The following KIAA1958 variants were observed in gnomAD, a reference collection of about 807,000 sequenced individuals.
KIAA1958 encodes uncharacterized protein KIAA1958.
In KIAA1958, 14 loss-of-function variants were observed where a neutral mutation model predicts 47.2. That is an observed-to-expected ratio of 0.30 (90% CI 0.20 to 0.46). KIAA1958 has a LOEUF of 0.46. Ranked by LOEUF, KIAA1958 falls within the 20% of genes least tolerant of loss-of-function variation. The pLI is 1.00. For synonymous variants in KIAA1958, 354 were observed against 353.3 expected, an observed-to-expected ratio of 1.00 and a Z score of -0.02; for missense variants, 803 against 909.2, an observed-to-expected ratio of 0.88 and a Z score of 1.50.
intron 1 of KIAA1958, among the ~76,000 whole-genome samples, chr9:112,572,856 G>A (rs1835563079): frequency 6.6e-6 from 1 of 152,186 alleles, no homozygotes; most frequent in Admixed American, 6.5e-5. Flanking sequence ...CTCCCTGACA[G>A]GGCGCCATGG....
At position 112,586,509 on chromosome 9, in the gene KIAA1958, G is replaced by C. The variant is rs1382535496; in HGVS notation, c.1171+11258G>C. Among the ~76,000 whole-genome samples, 3 of 152,024 alleles carry C rather than the reference G, an allele frequency of 2.0e-5. No individual in the cohort carries two copies. In the East Asian group the frequency reaches 5.8e-4, roughly 29 times the overall value. ...TTATGTTTCAATAGCTTTTTAAAAT[G>C]CTTGCAAATCCTATTTTAGTATGAT... On this transcript the variant is annotated intron_variant, in intron 2 of 3. Coordinates refer to ENST00000337530, the MANE Select transcript of KIAA1958 (RefSeq NM_133465.4).
At chr9:112,615,950 A>G (rs777721758) in intron 2 of KIAA1958, among the ~76,000 whole-genome samples, 31 of 152,234 alleles carry the variant, frequency 2.0e-4, no homozygotes, top group Admixed American at 6.5e-5. Flanking sequence ...TTTTTCTCCC[A>G]AAGTTGTCTG....
chr9:112,523,048 C>G (rs1834575692), intron 1 of KIAA1958, among the ~76,000 whole-genome samples: 1 of 152,206 alleles, frequency 6.6e-6, no homozygotes, highest in African/African-American at 2.4e-5. Flanking sequence ...AATGTCATTT[C>G]TACCCACAGC....
rs1483418455 is a variant in KIAA1958, at chr9:112,537,393, G to A, written c.-24-36664G>A. ...TGGGATTACAGGCGTGAGCCACTGC[G>A]CTGGGCCAGGACAAGATATTTCACA... is the stretch of plus-strand genomic sequence containing the variant. On this transcript the variant is annotated intron_variant, in intron 1 of 3. Coordinates refer to ENST00000337530, the MANE Select transcript of KIAA1958 (RefSeq NM_133465.4). Among the ~76,000 whole-genome samples the A allele has an allele frequency of 3.3e-5, 5 of 152,174 alleles. No homozygotes were observed. The East Asian group carries it at 7.7e-4, about 23-fold the overall frequency.
chr9:112,631,751 T>A (rs1208748082), intron 2 of KIAA1958, among the ~76,000 whole-genome samples: 1 of 152,162 alleles, frequency 6.6e-6, no homozygotes, highest in African/African-American at 2.4e-5. Context: ...TACAAAAATA[T>A]ACTTCAAAAA....
chr9:112,551,477 C>A (rs1389097393), intron 1 of KIAA1958, among the ~76,000 whole-genome samples: 2 of 152,178 alleles, frequency 1.3e-5, no homozygotes, highest in African/African-American at 4.8e-5. Context: ...TGATATAGCA[C>A]AGGCTTTAAT....
At chr9:112,584,622 A>G (rs940370658) in intron 2 of KIAA1958, among the ~76,000 whole-genome samples, 1 of 152,244 alleles carries the variant, frequency 6.6e-6, no homozygotes, top group Non-Finnish European at 1.5e-5. Flanking sequence ...GTCATGGGAA[A>G]GTTTTTTTAA....
In KIAA1958 at chr9:112,500,580, G is replaced by A. The variant is rs1020814800; in HGVS notation, c.-25+13462G>A. On this transcript the variant is annotated intron_variant, in intron 1 of 3. Transcript: ENST00000337530. ...GCTGGGATTATAGGCATGAGCCACC[G>A]TGGTCAGCCTAGTATCATTTTTATT... Among the ~76,000 whole-genome samples the A allele has an allele frequency of 6.6e-5, 10 of 151,840 alleles. 1 individual carries two copies. The highest frequency in any genetic ancestry group is 1.9e-4 in the African/African-American group (8 of 41,318).
chr9:112,519,133 A>T (rs943378600), intron 1 of KIAA1958, among the ~76,000 whole-genome samples: 1 of 151,984 alleles, frequency 6.6e-6, no homozygotes, highest in Non-Finnish European at 1.5e-5. Context: ...TTAAGAGACA[A>T]GGTCTCACTA....
intron 2 of KIAA1958, among the ~76,000 whole-genome samples, chr9:112,590,889 A>G (rs757022016): frequency 1.5e-4 from 23 of 152,216 alleles, no homozygotes; most frequent in Non-Finnish European, 2.2e-4. Context: ...ACCATTAATT[A>G]TAATTCACCT....
intron 1 of KIAA1958, among the ~76,000 whole-genome samples, chr9:112,544,591 C>T (rs887682529): frequency 5.9e-5 from 9 of 152,184 alleles, no homozygotes; most frequent in African/African-American, 1.9e-4. Context: ...CCCCCAGTTG[C>T]TGAATCTGTT....
Position 112,660,153 on chromosome 9 carries a change from G to A in KIAA1958, c.*84G>A. 2.3e-6 allele frequency: 3 copies of A among 1,278,948 alleles called. No individual in the cohort carries two copies. The highest frequency in any genetic ancestry group is 1.5e-5 in the African/African-American group (1 of 68,668). The allele number at this position is 1,278,948 out of a possible 1,614,324, so 79.2% of individuals were successfully genotyped here. The stretch of plus-strand genomic sequence containing the variant: ...CAGCTGGAGCTCCTTGGAGGCAGGG[G>A]CTGACCAGGTGTGACCTCCCGGTCT... On this transcript the variant is annotated 3_prime_UTR_variant, in exon 4 of 4. Coordinates refer to ENST00000337530, the MANE Select transcript of KIAA1958 (RefSeq NM_133465.4).
intron 1 of KIAA1958, among the ~76,000 whole-genome samples, chr9:112,562,635 G>T (rs1051633521): frequency 6.6e-6 from 1 of 152,134 alleles, no homozygotes; most frequent in Non-Finnish European, 1.5e-5. Flanking sequence ...TTTTATCTGC[G>T]TTGGTCAGTG....
chr9:112,647,739 A>G (rs1414559328), intron 3 of KIAA1958, among the ~76,000 whole-genome samples: 20 of 152,254 alleles, frequency 1.3e-4, no homozygotes, highest in African/African-American at 4.8e-4. Flanking sequence ...TGGGCTGCAC[A>G]GAATGTGAGC....
intron 2 of KIAA1958, among the ~76,000 whole-genome samples, chr9:112,641,418 C>CT (rs200818812): frequency 0.019 from 1,449 of 75,544 alleles, 20 homozygotes; most frequent in African/African-American, 0.064. Flanking sequence ...CTCTTGGTGG[C>CT]TTTTTTTTTT....
intron 2 of KIAA1958, among the ~76,000 whole-genome samples, chr9:112,631,534 GAAAAAAA>G (rs57805823): frequency 1.8e-4 from 18 of 98,306 alleles, no homozygotes; most frequent in African/African-American, 4.8e-4. Context: ...CTCTCTCAAA[GAAAAAAA>G]AAAAAAAAAA....
chr9:112,568,954 A>AAAAAAAAAAAAAAAAAT, intron 1 of KIAA1958, among the ~76,000 whole-genome samples: 1 of 148,184 alleles, frequency 6.7e-6, no homozygotes, highest in Non-Finnish European at 1.5e-5. Context: ...AAAAAAAAAA[A>AAAAAAAAAAAAAAAAAT]AAAAAAAAAA....
intron 3 of KIAA1958, among the ~76,000 whole-genome samples, chr9:112,657,393 C>T (rs1403106577): frequency 6.6e-6 from 1 of 152,048 alleles, no homozygotes. Context: ...TGCCCAACCC[C>T]ACTCTACGAT....
intron 1 of KIAA1958, among the ~76,000 whole-genome samples, chr9:112,501,246 C>T (rs1439223544): frequency 6.6e-6 from 1 of 151,620 alleles, no homozygotes; most frequent in Non-Finnish European, 1.5e-5. Flanking sequence ...TGAGACCAGC[C>T]TGGGCAACAA....
Sources: allele counts gnomAD v4.1 joint callset (sites outside exome capture counted in the v4.1 genomes callset), GRCh38; gene constraint gnomAD v4.1.1; transcripts MANE v1.5; gene names NCBI Gene and HGNC (gene_info 2026-07-23, HGNC 2026-07-21).